IL17RB: variants seen among roughly 807,000 people sequenced by gnomAD.
The protein encoded by IL17RB is interleukin 17 receptor B.
In IL17RB, 36 loss-of-function variants were observed where a neutral mutation model predicts 43.9. The ratio of observed to expected loss-of-function variants is 0.82; its 90% confidence interval spans 0.63 to 1.08. The LOEUF is 1.08. Among genes scored for constraint, IL17RB ranks in the 50% least tolerant of loss-of-function variants. The pLI, the probability that IL17RB is intolerant of heterozygous loss-of-function variation, is 0.00. For synonymous variants in IL17RB, 225 were observed against 225.4 expected, an observed-to-expected ratio of 1.00 and a Z score of 0.02; for missense variants, 613 against 613.6, an observed-to-expected ratio of 1.00 and a Z score of 0.01.
In IL17RB at chr3:53,849,769, A is replaced by G. The variant is rs1699066584; in HGVS notation, c.200A>G (p.Asn67Ser). ...ACAGGGGACTATTCAATTTTGATGA[A>G]TGTAAGCTGGGTACTCCGGGCAGAT... ...VATGDYSILMNVSWVLRADAS... is the reference protein window; with the variant it reads ...VATGDYSILMSVSWVLRADAS... The change falls in exon 3 of 11, where the codon AAT becomes AGT. Residue 67 changes from asparagine to serine, a missense_variant. By Grantham distance (46) the Asn-to-Ser change is conservative. Transcript: ENST00000288167. 3.7e-6 allele frequency: 6 copies of G among 1,609,654 alleles called. No individual in the cohort carries two copies. Among genetic ancestry groups the G allele is most frequent in the Non-Finnish European group, 4.2e-6 (5 of 1,177,444 alleles).
intron 6 of IL17RB, among the ~76,000 whole-genome samples, chr3:53,856,327 T>C (rs1257496275): frequency 6.6e-6 from 1 of 152,264 alleles, no homozygotes; most frequent in Non-Finnish European, 1.5e-5. Flanking sequence ...AGCAGACCTA[T>C]CAGGGTATAT....
In IL17RB at chr3:53,852,054, C is replaced by A; in HGVS notation, c.282C>A (p.Phe94Leu). The A allele has an allele frequency of 4.3e-6, 7 of 1,614,168 alleles. No homozygotes were observed. Among genetic ancestry groups the A allele is most frequent in the Non-Finnish European group, 5.9e-6 (7 of 1,180,026 alleles). The change falls in exon 4 of 11, where the codon TTC (phenylalanine) becomes TTA (leucine). Residue 94 changes from phenylalanine to leucine, a missense_variant. Transcript: ENST00000288167. ...TKICVTGKSN[F>L]QSYSCVRCNY... is the part of the protein sequence containing the mutation. ...TTTGTGTGACGGGCAAAAGCAACTT[C>A]CAGTCCTACAGCTGTGTGAGGTGCA...
intron 3 of IL17RB, 34 bp from the exon 4 acceptor site, chr3:53,851,965 A>G: frequency 6.2e-7 from 1 of 1,613,590 alleles, no homozygotes. Flanking sequence ...AGCAAGTGCT[A>G]AATAAACCAA....
rs566268361 is a variant in IL17RB at position 53,853,364 on chromosome 3, T to G, written c.481+367T>G. 3.9e-5 allele frequency among the ~76,000 whole-genome samples: 6 copies of G among 152,362 alleles called. No individual in the cohort carries two copies. In the South Asian group the frequency reaches 1.2e-3, roughly 32 times the overall value. On this transcript the variant is annotated intron_variant, in intron 5 of 10. Coordinates refer to ENST00000288167, the MANE Select transcript of IL17RB (RefSeq NM_018725.4). Reference sequence around the variant, plus strand: ...ACACACATAAAAGTGAAGCTGACATTCACACTTTGGTCCTTCTAGAGCAAT... The same window carrying G: ...ACACACATAAAAGTGAAGCTGACATGCACACTTTGGTCCTTCTAGAGCAAT...
At position 53,852,877 on chromosome 3, in the gene IL17RB, T is replaced by C. The variant is rs776901491; in HGVS notation, c.361T>C (p.Phe121Leu). The C allele has an allele frequency of 1.2e-6, 2 of 1,613,554 alleles. No homozygotes were observed. The highest frequency in any genetic ancestry group is 1.3e-5 in the African/African-American group (1 of 75,048). ...QTRPSGGKWT[F>L]SYIGFPVELN... ...TCCTTGCTTTGCCTTTCAGTGGACATTTTCCTACATCGGCTTCCCTGTAGA... is the reference window on the plus strand; with the variant it reads ...TCCTTGCTTTGCCTTTCAGTGGACACTTTCCTACATCGGCTTCCCTGTAGA... The change falls in exon 5 of 11, where the codon TTT becomes CTT. Residue 121 changes from phenylalanine to leucine, a missense_variant. Transcript: ENST00000288167.
rs143232391 is a variant in IL17RB at position 53,854,086 on chromosome 3, G to A, written c.481+1089G>A. ...TAATTTTTGTATTTTTAGTAGAGAC[G>A]GGGTTTCACTATGATGGCTAGGCTA... On this transcript the variant is annotated intron_variant, in intron 5 of 10. Coordinates refer to ENST00000288167, the MANE Select transcript of IL17RB (RefSeq NM_018725.4). Among the ~76,000 whole-genome samples the A allele has an allele frequency of 5.3e-3, 807 of 151,970 alleles. 6 individuals are homozygous for A. The highest frequency in any genetic ancestry group is 9.6e-3 in the Non-Finnish European group (651 of 67,944).
At chr3:53,852,410 C>T (rs781530692) in intron 4 of IL17RB, among the ~76,000 whole-genome samples, 4 of 152,152 alleles carry the variant, frequency 2.6e-5, no homozygotes, top group Admixed American at 6.5e-5. Context: ...GCTGGGATTA[C>T]AGGTATGAGC....
At chr3:53,846,773 C>T (rs986633681) in intron 1 of IL17RB, 125 bp downstream of exon 1, 15 of 971,000 alleles carry the variant, frequency 1.5e-5, no homozygotes, top group Middle Eastern at 2.2e-4. Context: ...AGGGGCATGC[C>T]TGCACCCTCA....
At chr3:53,859,060 G>A in intron 9 of IL17RB, 1 of 410,602 alleles carries the variant, frequency 2.4e-6, no homozygotes. Context: ...ACACAGAAGG[G>A]AAAAAAATAC....
intron 10 of IL17RB, among the ~76,000 whole-genome samples, chr3:53,863,156 T>C (rs1279544047): frequency 7.2e-5 from 11 of 152,208 alleles, no homozygotes; most frequent in Non-Finnish European, 1.5e-4. Context: ...ATGCAAAATA[T>C]GTGTTAATTG....
rs149538576 is a variant in IL17RB, at chr3:53,851,997, A to C, written c.227-2A>C. ...CCAATGTCCTCTTGCCTATCTCGGC[A>C]GCCAGCATCCGCTTGTTGAAGGCCA... On this transcript the variant is annotated splice_acceptor_variant, in intron 3 of 10. Coordinates refer to ENST00000288167, the MANE Select transcript of IL17RB (RefSeq NM_018725.4). LOFTEE classifies it high-confidence loss of function. 6.8e-6 allele frequency: 11 copies of C among 1,614,072 alleles called. No individual in the cohort carries two copies. Among genetic ancestry groups the C allele is most frequent in the Non-Finnish European group, 8.5e-6 (10 of 1,180,028 alleles).
chr3:53,852,369 A>G (rs1699182854), intron 4 of IL17RB, among the ~76,000 whole-genome samples: 1 of 152,106 alleles, frequency 6.6e-6, no homozygotes, highest in Non-Finnish European at 1.5e-5. Context: ...TCCAGTGCTC[A>G]AGCGATCTGC....
rs774496864 is a variant in IL17RB, at chr3:53,846,621, G to A, written c.33G>A (p.Leu11=). 4 of 1,593,528 alleles carry A rather than the reference G, an allele frequency of 2.5e-6. No individual in the cohort carries two copies. The highest frequency in any genetic ancestry group is 3.4e-6 in the Non-Finnish European group (4 of 1,173,206). The change falls in exon 1 of 11, where the codon CTG becomes CTA. Residue 11 remains leucine, a synonymous_variant. Transcript: ENST00000288167. MSLVLLSLAA[L]CRSAVPREPT... ...TCGTGCTGCTAAGCCTGGCCGCGCT[G>A]TGCAGGAGCGCCGTACCCCGAGAGC... is the stretch of plus-strand genomic sequence containing the variant.
chr3:53,846,781 T>A, intron 1 of IL17RB, 133 bp downstream of exon 1: 1 of 895,250 alleles, frequency 1.1e-6, no homozygotes, highest in Non-Finnish European at 1.6e-6. Flanking sequence ...GCCTGCACCC[T>A]CAGGGCAGCC....
At chr3:53,858,256 A>G (rs1699421092) in intron 8 of IL17RB, 2 of 731,598 alleles carry the variant, frequency 2.7e-6, no homozygotes, top group South Asian at 5.6e-5. Context: ...CCTGGCATAA[A>G]AAGTGCTCAA....
At chr3:53,863,677 A>G (rs568546318) in intron 10 of IL17RB, among the ~76,000 whole-genome samples, 2 of 152,142 alleles carry the variant, frequency 1.3e-5, no homozygotes, top group Non-Finnish European at 2.9e-5. Context: ...TGGGAACTAT[A>G]AAGAAACTCT....
intron 3 of IL17RB, among the ~76,000 whole-genome samples, chr3:53,851,617 G>C (rs1206371505): frequency 1.3e-5 from 2 of 152,310 alleles, no homozygotes; most frequent in Admixed American, 1.3e-4. Context: ...GGTGATGACA[G>C]TCTTGGAGGG....
Position 53,864,992 on chromosome 3 carries a change from A to G in IL17RB, c.1193A>G (p.Asn398Ser), listed in dbSNP as rs750609380. Reference sequence around the variant, plus strand: ...GACAAAGTCGTCTTCCTTCTTTCCAATGACGTCAACAGTGTGTGCGATGGT... The same window carrying G: ...GACAAAGTCGTCTTCCTTCTTTCCAGTGACGTCAACAGTGTGTGCGATGGT... ...AADKVVFLLSNDVNSVCDGTC... is the reference protein window; with the variant it reads ...AADKVVFLLSSDVNSVCDGTC... The change falls in exon 11 of 11, where the codon AAT (asparagine) becomes AGT (serine). Residue 398 changes from asparagine to serine, a missense_variant. Coordinates refer to ENST00000288167, the MANE Select transcript of IL17RB (RefSeq NM_018725.4). 4 of 1,614,190 alleles carry G rather than the reference A, an allele frequency of 2.5e-6. No individual in the cohort carries two copies. The Admixed American group carries it at 5.0e-5, about 20-fold the overall frequency.
chr3:53,852,173 G>T lies in IL17RB; in HGVS notation c.354+47G>T, dbSNP rs749168891. 5.1e-6 allele frequency: 8 copies of T among 1,569,088 alleles called. No individual in the cohort carries two copies. The Admixed American group carries it at 1.4e-4, about 27-fold the overall frequency. On this transcript the variant is annotated intron_variant, in intron 4 of 10. Transcript: ENST00000288167. ...GTTTTGTTTTTTGAGATAGCATCTT[G>T]TTCTGTCACCCAGGCTGGAGTGCAG... is the stretch of plus-strand genomic sequence containing the variant.
Sources: gnomAD v4.1 joint callset for allele counts (sites outside exome capture counted in the v4.1 genomes callset) on GRCh38, gnomAD v4.1.1 for gene constraint, MANE v1.5 for transcripts, NCBI Gene and HGNC (gene_info 2026-07-23, HGNC 2026-07-21) for gene names.